The following SOX5 variants were observed in gnomAD, a reference collection of about 807,000 sequenced individuals.
The protein encoded by SOX5 is SRY-box transcription factor 5.
SOX5 carries 9 observed loss-of-function variants against 92.0 expected under a neutral mutation model. The observed-to-expected ratio is 0.10, with a 90% confidence interval of 0.06 to 0.17. The LOEUF is 0.17. Among genes scored for constraint, SOX5 ranks in the 10% least tolerant of loss-of-function variants. The pLI is 1.00. For missense variants in SOX5, 642 were observed against 944.5 expected, an observed-to-expected ratio of 0.68 and a Z score of 4.20; for synonymous variants, 344 against 336.3, an observed-to-expected ratio of 1.02 and a Z score of -0.25.
intron 6 of SOX5, among the ~76,000 whole-genome samples, chr12:23,674,354 TGAGACGGA>T (rs2085308626): frequency 6.1e-5 from 9 of 147,778 alleles, no homozygotes; most frequent in Admixed American, 2.1e-4. Flanking sequence ...TTTTTTTTTT[TGAGACGGA>T]GTTTCGCTGT....
intron 3 of SOX5, among the ~76,000 whole-genome samples, chr12:23,837,132 T>C (rs901905145): frequency 2.7e-5 from 4 of 146,340 alleles, no homozygotes. Flanking sequence ...AATGAAGTCA[T>C]TGAAGCCAAT....
At chr12:24,074,894 T>A (rs576607594) in intron 4 of SOX5, among the ~76,000 whole-genome samples, 1 of 148,032 alleles carries the variant, frequency 6.8e-6, no homozygotes, top group Admixed American at 6.8e-5. Flanking sequence ...TTTTGTTTGT[T>A]TGTTTTATTT....
intron 8 of SOX5, among the ~76,000 whole-genome samples, chr12:23,617,092 T>C (rs1428192378): frequency 7.1e-6 from 1 of 140,686 alleles, no homozygotes; most frequent in Non-Finnish European, 1.5e-5. Flanking sequence ...GGCACTGCAC[T>C]CCAGGCCTGG....
chr12:23,968,977 G>A (rs1230229509), intron 4 of SOX5, among the ~76,000 whole-genome samples: 3 of 151,924 alleles, frequency 2.0e-5, no homozygotes, highest in East Asian at 1.9e-4. Context: ...ATATGTCTTC[G>A]TGGATGTCTT....
intron 1 of SOX5, among the ~76,000 whole-genome samples, chr12:24,517,339 GCAAC>G (rs936771373): frequency 1.3e-5 from 2 of 152,164 alleles, no homozygotes; most frequent in African/African-American, 4.8e-5. Flanking sequence ...TACAGGAGGG[GCAAC>G]ACTTGCTGGG....
intron 13 of SOX5, among the ~76,000 whole-genome samples, chr12:23,539,555 C>G (rs1941440375): frequency 1.4e-5 from 2 of 147,412 alleles, no homozygotes; most frequent in African/African-American, 5.1e-5. Flanking sequence ...TAGTTGAGGT[C>G]TTTCGGTGGA....
intron 9 of SOX5, among the ~76,000 whole-genome samples, chr12:23,580,858 A>G (rs1311716330): frequency 6.6e-6 from 1 of 152,058 alleles, no homozygotes; most frequent in Non-Finnish European, 1.5e-5. Context: ...AGATTAAAAA[A>G]CCATTGCATA....
chr12:24,410,741 G>T (rs1186041759), intron 1 of SOX5, among the ~76,000 whole-genome samples: 3 of 152,192 alleles, frequency 2.0e-5, no homozygotes, highest in Non-Finnish European at 4.4e-5. Flanking sequence ...GAACTGGGTA[G>T]ATTATTCCCA....
At chr12:23,970,639 T>A (rs939918114) in intron 4 of SOX5, among the ~76,000 whole-genome samples, 2 of 151,024 alleles carry the variant, frequency 1.3e-5, no homozygotes, top group African/African-American at 4.9e-5. Context: ...TATGGCTGAA[T>A]GATATTCTGT....
At chr12:24,070,337 G>A (rs960209503) in intron 4 of SOX5, among the ~76,000 whole-genome samples, 3 of 152,072 alleles carry the variant, frequency 2.0e-5, no homozygotes, top group Admixed American at 1.3e-4. Context: ...GAGGCAACAG[G>A]ACTGATCAGG....
chr12:24,365,034 T>C (rs1380500717), intron 2 of SOX5, among the ~76,000 whole-genome samples: 1 of 152,148 alleles, frequency 6.6e-6, no homozygotes, highest in Non-Finnish European at 1.5e-5. Flanking sequence ...GATATATTTC[T>C]CCACAACTTG....
At chr12:24,069,353 T>G (rs1941405411) in intron 4 of SOX5, among the ~76,000 whole-genome samples, 1 of 152,210 alleles carries the variant, frequency 6.6e-6, no homozygotes, top group African/African-American at 2.4e-5. Context: ...TTCACCATCA[T>G]GCTGGCCCAG....
chr12:24,412,780 CT>C (rs35640190), intron 1 of SOX5, among the ~76,000 whole-genome samples: 36 of 132,420 alleles, frequency 2.7e-4, no homozygotes, highest in Non-Finnish European at 2.2e-4. Flanking sequence ...ATTAGATTTT[CT>C]TTTTTTTTTT....
chr12:24,464,323 A>ATTT (rs11332671), intron 1 of SOX5, among the ~76,000 whole-genome samples: 1 of 138,730 alleles, frequency 7.2e-6, no homozygotes, highest in Non-Finnish European at 1.6e-5. Flanking sequence ...GTGAGAGTTA[A>ATTT]TTTTTTTTTT....
intron 3 of SOX5, among the ~76,000 whole-genome samples, chr12:24,219,077 G>A (rs1410258558): frequency 6.6e-6 from 1 of 152,032 alleles, no homozygotes; most frequent in Admixed American, 6.5e-5. Context: ...CAATTTGAGA[G>A]TGACTGTTAT....
chr12:23,826,506 T>C (rs186719057), intron 3 of SOX5, among the ~76,000 whole-genome samples: 2 of 152,250 alleles, frequency 1.3e-5, no homozygotes, highest in African/African-American at 4.8e-5. Context: ...TACTTGGATA[T>C]GGATGCTTTT....
chr12:24,475,136 G>A (rs764282619), intron 1 of SOX5, among the ~76,000 whole-genome samples: 5 of 152,120 alleles, frequency 3.3e-5, no homozygotes, highest in Non-Finnish European at 5.9e-5. Context: ...ACTGCGCCCA[G>A]CCCTTAATGA....
intron 4 of SOX5, among the ~76,000 whole-genome samples, chr12:24,074,393 C>T (rs1211357372): frequency 6.6e-6 from 1 of 151,624 alleles, no homozygotes; most frequent in East Asian, 1.9e-4. Flanking sequence ...AAAAAAACAG[C>T]TACCACCTGC....
intron 3 of SOX5, among the ~76,000 whole-genome samples, chr12:24,224,542 T>G (rs974892082): frequency 2.0e-5 from 3 of 152,074 alleles, no homozygotes; most frequent in Non-Finnish European, 2.9e-5. Context: ...TCTGAGGATG[T>G]ATGTGTGTGT....
Sources: gnomAD v4.1 joint callset for allele counts (sites outside exome capture counted in the v4.1 genomes callset) on GRCh38, gnomAD v4.1.1 for gene constraint, MANE v1.5 for transcripts, NCBI Gene and HGNC (gene_info 2026-07-23, HGNC 2026-07-21) for gene names.